HAPLN4: variants seen among roughly 807,000 people sequenced by gnomAD.
HAPLN4 encodes the protein brain link protein 2.
A neutral mutation model predicts 28.0 loss-of-function variants in HAPLN4; 19 were observed. The observed-to-expected ratio is 0.68, with a 90% CI of 0.47 to 1.00. HAPLN4 has a LOEUF of 1.00. HAPLN4 is among the 50% of genes least tolerant of loss of function. HAPLN4 has a pLI of 0.00. For synonymous variants in HAPLN4, 274 were observed against 273.0 expected (o/e 1.00, Z -0.03); for missense variants, 587 against 602.6 (o/e 0.97, Z 0.27).
At position 19,258,854 on chromosome 19, in the gene HAPLN4, G is replaced by C; in HGVS notation, c.486C>G (p.Gly162=). Residue 162 remains glycine, a splice_region_variant and synonymous_variant, in exon 4 of 5, where the codon GGC becomes GGG. Transcript: ENST00000291481. This position sits in a 1 kb window ranked among gnomAD's most constrained non-coding sequence, Gnocchi z 6.2. ...DAGMVKLDLE[G]VVFPYHPRGG... is the part of the protein sequence containing the mutation. Reference sequence around the variant, plus strand: ...CACGGGGGTGGTAGGGAAAGACCACGCCTGGCGGGGGGCGCACGGGATCAG... The same window carrying C: ...CACGGGGGTGGTAGGGAAAGACCACCCCTGGCGGGGGGCGCACGGGATCAG... 1 of 1,547,082 alleles carries C rather than the reference G, an allele frequency of 6.5e-7. No individual in the cohort carries two copies. Among genetic ancestry groups the C allele is most frequent in the Non-Finnish European group, 8.7e-7 (1 of 1,145,550 alleles).
Position 19,258,224 on chromosome 19 carries a change from G to A in HAPLN4, c.818-16C>T, listed in dbSNP as rs907074442. The A allele has an allele frequency of 4.8e-6, 7 of 1,466,536 alleles. No individual in the cohort carries two copies. The African/African-American group carries it at 7.0e-5, about 15-fold the overall frequency. 90.8% of individuals were successfully genotyped at this position (1,466,536 alleles called of 1,614,324 possible). On this transcript the variant is annotated splice_polypyrimidine_tract_variant and intron_variant, in intron 4 of 4. Transcript: ENST00000291481. The surrounding 1 kb of genome is among the most constrained non-coding windows in gnomAD (Gnocchi z 6.2). Reference sequence around the variant, plus strand: ...AACACGCGCCCTGCGGGGGTGAGGTGGGGGGTGGGTTATTAGTGCGGCTCC... The same window carrying A: ...AACACGCGCCCTGCGGGGGTGAGGTAGGGGGTGGGTTATTAGTGCGGCTCC...
chr19:19,262,013 GAGAGAAAGGC>G (rs2060985400), intron 1 of HAPLN4, among the ~76,000 whole-genome samples: 1 of 151,966 alleles, frequency 6.6e-6, no homozygotes, highest in Admixed American at 6.6e-5. Flanking sequence ...AACAGGGACA[GAGAGAAAGGC>G]AGGGAGAGGC....
intron 2 of HAPLN4, 57 bp from the exon 3 acceptor site, chr19:19,261,232 G>T: frequency 6.5e-7 from 1 of 1,539,776 alleles, no homozygotes; most frequent in South Asian, 1.2e-5. Context: ...GGGGGCCTCT[G>T]GGGAAGGTGT....
chr19:19,257,692 T>G lies in HAPLN4; in HGVS notation c.*125A>C, dbSNP rs1310394535. 8 of 1,154,814 alleles carry G rather than the reference T, an allele frequency of 6.9e-6. No homozygotes were observed. Among genetic ancestry groups the G allele is most frequent in the Non-Finnish European group, 8.9e-6 (8 of 896,630 alleles). 71.5% of individuals were successfully genotyped at this position (1,154,814 alleles called of 1,614,324 possible). Reference sequence around the variant, plus strand: ...TCTTCAGGGACCCCAGGGGCACAGTTAGTTTGTAAGGGACCACAGGGAATG... The same window carrying G: ...TCTTCAGGGACCCCAGGGGCACAGTGAGTTTGTAAGGGACCACAGGGAATG... On this transcript the variant is annotated 3_prime_UTR_variant, in exon 5 of 5. Coordinates refer to ENST00000291481, the MANE Select transcript of HAPLN4 (RefSeq NM_023002.3).
intron 1 of HAPLN4, 35 bp from the exon 2 acceptor site, chr19:19,261,598 C>T (rs1472738431): frequency 1.5e-6 from 2 of 1,376,354 alleles, no homozygotes; most frequent in Non-Finnish European, 1.9e-6. Context: ...AGTCCAGCCT[C>T]CCAGCCTTGG....
chr19:19,262,707 C>A (rs754508999), intron 1 of HAPLN4, 23 bp downstream of exon 1: 1 of 1,612,292 alleles, frequency 6.2e-7, no homozygotes, highest in Non-Finnish European at 8.5e-7. Flanking sequence ...GCACACACCA[C>A]CCGCGCCCGC....
chr19:19,258,698 C>T lies in HAPLN4; in HGVS notation c.642G>A (p.Leu214=). The T allele has an allele frequency of 6.2e-7, 1 of 1,606,556 alleles. No individual in the cohort carries two copies. Among genetic ancestry groups the T allele is most frequent in the Non-Finnish European group, 8.5e-7 (1 of 1,177,530 alleles). ...CGGGGTATTGCACTGAGCCGTCGCG[C>T]AACCAGCCCGCGTTGCACCAGTCCA... ...DGLDWCNAGW[L]RDGSVQYPVN... The change falls in exon 4 of 5, where the codon TTG becomes TTA. Residue 214 remains leucine (L), a synonymous_variant. Transcript: ENST00000291481. The surrounding 1 kb of genome is among the most constrained non-coding windows in gnomAD (Gnocchi z 6.2).
In HAPLN4 at chr19:19,258,634, T is replaced by TC. The variant is rs778286592; in HGVS notation, c.705dup (p.Thr236AspfsTer9). 1.1e-5 allele frequency: 18 copies of TC among 1,611,508 alleles called. No homozygotes were observed. The highest frequency in any genetic ancestry group is 1.7e-5 in the Admixed American group (1 of 59,858). ...TCACCGCCGCCCCCTGCACTCCCGG[T>TC]CCCCCCCAGGCCGCCGCAGGGCTCC... On this transcript the variant is annotated frameshift_variant, in exon 4 of 5. Coordinates refer to ENST00000291481, the MANE Select transcript of HAPLN4 (RefSeq NM_023002.3). LOFTEE classifies it high-confidence loss of function. The surrounding 1 kb of genome is among the most constrained non-coding windows in gnomAD (Gnocchi z 6.2).
At chr19:19,262,564 G>A (rs963515154) in intron 1 of HAPLN4, among the ~76,000 whole-genome samples, 166 bp downstream of exon 1, 11 of 152,098 alleles carry the variant, frequency 7.2e-5, no homozygotes, top group Non-Finnish European at 1.5e-4. Context: ...GAAATGGAGA[G>A]GGAGAGAACC....
At chr19:19,259,247 T>G (rs1468553412) in intron 3 of HAPLN4, among the ~76,000 whole-genome samples, 1 of 152,116 alleles carries the variant, frequency 6.6e-6, no homozygotes, top group East Asian at 1.9e-4. Context: ...GGTCCAGCCC[T>G]GAGCCCACGG....
In HAPLN4 at chr19:19,260,861, T is replaced by C. The variant is rs1438730562; in HGVS notation, c.436A>G (p.Thr146Ala). ...QDYGRYECEV[T>A]NELEDDAGMV... is the part of the protein sequence containing the mutation. Reference sequence around the variant, plus strand: ...CCAGCGTCATCTTCCAGCTCATTGGTGACTTCGCACTCATAGCGCCCGTAG... The same window carrying C: ...CCAGCGTCATCTTCCAGCTCATTGGCGACTTCGCACTCATAGCGCCCGTAG... Residue 146 changes from threonine to alanine, a missense_variant, in exon 3 of 5, where the codon ACC becomes GCC. Physicochemically the swap from Thr to Ala is moderately conservative, Grantham distance 58 (BLOSUM62 0). Coordinates refer to ENST00000291481, the MANE Select transcript of HAPLN4 (RefSeq NM_023002.3). The C allele has an allele frequency of 1.2e-6, 2 of 1,613,764 alleles. No individual in the cohort carries two copies. Among genetic ancestry groups the C allele is most frequent in the Non-Finnish European group, 8.5e-7 (1 of 1,179,704 alleles).
At position 19,258,843 on chromosome 19, in the gene HAPLN4, G is replaced by A. The variant is rs1325717883; in HGVS notation, c.497C>T (p.Pro166Leu). The part of the protein sequence containing the change: ...VKLDLEGVVF[P>L]YHPRGGRYKL... ...GTATCGGCCTCCACGGGGGTGGTAG[G>A]GAAAGACCACGCCTGGCGGGGGGCG... Residue 166 changes from proline (P) to leucine (L), a missense_variant, in exon 4 of 5, where the codon CCC (proline) becomes CTC (leucine). By Grantham distance (98) the Pro-to-Leu change is moderately conservative. Transcript: ENST00000291481. This position sits in a 1 kb window ranked among gnomAD's most constrained non-coding sequence, Gnocchi z 6.2. The A allele has an allele frequency of 6.4e-7, 1 of 1,563,140 alleles. No homozygotes were observed. Among genetic ancestry groups the A allele is most frequent in the Non-Finnish European group, 8.7e-7 (1 of 1,153,582 alleles).
In HAPLN4 at chr19:19,258,601, C is replaced by A. The variant is rs973308009; in HGVS notation, c.739G>T (p.Gly247Trp). 2.5e-6 allele frequency: 4 copies of A among 1,613,576 alleles called. No homozygotes were observed. The highest frequency in any genetic ancestry group is 3.3e-5 in the Admixed American group (2 of 60,000). Reference sequence around the variant, plus strand: ...CGATACCCGTAGTTGCGCAGGCCCCCGTTGGCATCACCGCCGCCCCCTGCA... The same window carrying A: ...CGATACCCGTAGTTGCGCAGGCCCCAGTTGGCATCACCGCCGCCCCCTGCA... Reference protein sequence around the residue: ...GSAGGGGDANGGLRNYGYRHN... With the variant: ...GSAGGGGDANWGLRNYGYRHN... The change falls in exon 4 of 5, where the codon GGG becomes TGG. Residue 247 changes from glycine (G) to tryptophan (W), a missense_variant. Physicochemically the swap from Gly to Trp is radical, Grantham distance 184 (BLOSUM62 -2). Coordinates refer to ENST00000291481, the MANE Select transcript of HAPLN4 (RefSeq NM_023002.3). This position sits in a 1 kb window ranked among gnomAD's most constrained non-coding sequence, Gnocchi z 6.2.
Position 19,261,154 on chromosome 19 carries a change from A to G in HAPLN4, c.143T>C (p.Val48Ala), listed in dbSNP as rs1446821924. The change falls in exon 3 of 5, where the codon GTG becomes GCG. Residue 48 changes from valine to alanine, a missense_variant. Coordinates refer to ENST00000291481, the MANE Select transcript of HAPLN4 (RefSeq NM_023002.3). ...CACCTGCCCAGGCGCTGTCTGTACC[A>G]CTACCGAGCCCGACTCACCCTCTGA... ...HVLEGESGSV[V>A]VQTAPGQVVS... is the part of the protein sequence containing the mutation. 2.1e-5 allele frequency: 33 copies of G among 1,601,058 alleles called. No individual in the cohort carries two copies. The highest frequency in any genetic ancestry group is 2.4e-5 in the Non-Finnish European group (28 of 1,171,634).
chr19:19,261,383 C>A, intron 2 of HAPLN4, 63 bp downstream of exon 2: 3 of 1,455,216 alleles, frequency 2.1e-6, no homozygotes, highest in Non-Finnish European at 1.9e-6. Context: ...CCCGCTACCC[C>A]TCTCCGCACT....
chr19:19,262,777 T>A lies in HAPLN4; in HGVS notation c.-45A>T. On this transcript the variant is annotated 5_prime_UTR_variant, in exon 1 of 5. Transcript: ENST00000291481. ...CCGAGCGGCCCCTACGCACCCGGAC[T>A]GCGCTCCCCGCACACCCGGTTAAGA... 6.2e-7 allele frequency: 1 copy of A among 1,602,514 alleles called. No homozygotes were observed. Among genetic ancestry groups the A allele is most frequent in the Non-Finnish European group, 8.5e-7 (1 of 1,174,258 alleles).
At chr19:19,261,840 C>T (rs1222859488) in intron 1 of HAPLN4, among the ~76,000 whole-genome samples, 1 of 152,180 alleles carries the variant, frequency 6.6e-6, no homozygotes, top group East Asian at 1.9e-4. Context: ...CGCTGCCCCG[C>T]CCCCTTCTGG....
rs572976580 is a variant in HAPLN4 at position 19,261,618 on chromosome 19, G to A, written c.4-55C>T. 1.6e-3 allele frequency: 1,934 copies of A among 1,225,214 alleles called. 3 individuals carry two copies. Among genetic ancestry groups the A allele is most frequent in the Non-Finnish European group, 2.0e-3 (1,843 of 919,002 alleles). The allele number at this position is 1,225,214 out of a possible 1,614,324, so 75.9% of individuals were successfully genotyped here. A position where few individuals can be genotyped will look rare whatever the true frequency, so the allele number is the denominator to read the frequency against. ...AGCCTCCCAGCCTTGGCTTTTCGGA[G>A]GCCTGGCTCCCTCCCGGGCCTGCCT... On this transcript the variant is annotated intron_variant, in intron 1 of 4. Coordinates refer to ENST00000291481, the MANE Select transcript of HAPLN4 (RefSeq NM_023002.3).
chr19:19,258,942 G>C lies in HAPLN4; in HGVS notation c.485-87C>G, dbSNP rs909143698. 3.5e-6 allele frequency: 4 copies of C among 1,140,168 alleles called. No individual in the cohort carries two copies. The African/African-American group carries it at 4.7e-5, about 13-fold the overall frequency. The allele number at this position is 1,140,168 out of a possible 1,614,324, so 70.6% of individuals were successfully genotyped here. A position where few individuals can be genotyped will look rare whatever the true frequency, so the allele number is the denominator to read the frequency against. On this transcript the variant is annotated intron_variant, in intron 3 of 4. Transcript: ENST00000291481. This position sits in a 1 kb window ranked among gnomAD's most constrained non-coding sequence, Gnocchi z 6.2. Reference sequence around the variant, plus strand: ...TGGGGTGCTATGTGACTCTTCAACCGGGACCTTTCAGTCCATTCCTCCTCA... The same window carrying C: ...TGGGGTGCTATGTGACTCTTCAACCCGGACCTTTCAGTCCATTCCTCCTCA...
Sources: allele counts gnomAD v4.1 joint callset (sites outside exome capture counted in the v4.1 genomes callset), GRCh38; gene constraint gnomAD v4.1.1; non-coding constraint Gnocchi (gnomAD v3.1); transcripts MANE v1.5; gene names NCBI Gene and HGNC (gene_info 2026-07-23, HGNC 2026-07-21).